Variants in SPHKAP observed in about 807,000 individuals in gnomAD.
The protein encoded by SPHKAP is SPHK1 interactor, AKAP domain containing.
Under a neutral mutation model 137.5 loss-of-function variants are expected in SPHKAP, and 67 were observed. The observed-to-expected ratio is 0.49, with a 90% CI of 0.40 to 0.60. The LOEUF (loss-of-function observed/expected upper bound fraction) is 0.60, where lower values mean the gene tolerates loss of function less well. Ranked by LOEUF, SPHKAP falls within the 20% of genes least tolerant of loss-of-function variation. The pLI is 0.00. For synonymous variants in SPHKAP, 813 were observed against 785.3 expected (o/e 1.04, Z -0.59); for missense variants, 2,097 against 2,069.3 (o/e 1.01, Z -0.26).
chr2:228,150,681 G>T (rs1422911671), intron 1 of SPHKAP, among the ~76,000 whole-genome samples: 3 of 151,200 alleles, frequency 2.0e-5, no homozygotes, highest in Admixed American at 1.3e-4. Context: ...TAAAATTAAG[G>T]ATACCAGGCA....
At chr2:228,029,542 G>A (rs1695201840) in intron 3 of SPHKAP, among the ~76,000 whole-genome samples, 1 of 152,146 alleles carries the variant, frequency 6.6e-6, no homozygotes, top group African/African-American at 2.4e-5. Context: ...GCATTAGGGG[G>A]AAGAAAGGGC....
rs756170282 is a variant in SPHKAP at position 228,017,528 on chromosome 2, G to C, written c.3326C>G (p.Pro1109Arg). The change falls in exon 7 of 12, where the codon CCG (proline) becomes CGG (arginine). Residue 1109 changes from proline (P) to arginine (R), a missense_variant. By Grantham distance (103) the Pro-to-Arg change is moderately radical. Transcript: ENST00000392056. Reference sequence around the variant, plus strand: ...GGAGACAGAGCTGGCCCTGCTGACCGGCTGGCTCAGCGTGCTCATTAAGCC... The same window carrying C: ...GGAGACAGAGCTGGCCCTGCTGACCCGCTGGCTCAGCGTGCTCATTAAGCC... ...SLGLMSTLSQ[P>R]VSRASSVSKQ... is the part of the protein sequence containing the mutation. 1.5e-5 allele frequency: 25 copies of C among 1,613,090 alleles called. No homozygotes were observed. Among genetic ancestry groups the C allele is most frequent in the Non-Finnish European group, 1.9e-5 (23 of 1,179,686 alleles).
At chr2:228,084,339 T>G (rs1697469954) in intron 3 of SPHKAP, among the ~76,000 whole-genome samples, 1 of 152,180 alleles carries the variant, frequency 6.6e-6, no homozygotes, top group African/African-American at 2.4e-5. Flanking sequence ...CAGTAGAACA[T>G]GACTACAAAC....
chr2:227,991,323 T>A lies in SPHKAP; in HGVS notation c.4725A>T (p.Glu1575Asp). Residue 1575 changes from glutamate (E) to aspartate (D), a missense_variant, in exon 10 of 12, where the codon GAA becomes GAT. Glu to Asp is a conservative substitution (Grantham distance 45). Transcript: ENST00000392056. ...TAAGAATCTTCTTTTCTTCTACTAA[T>A]TCACTTTGGGAGAAAACAACAGTAT... is the stretch of plus-strand genomic sequence containing the variant. The part of the protein sequence containing the change: ...ESMPSSPMIN[E>D]LVEEKKILKG... 6.2e-7 allele frequency: 1 copy of A among 1,614,222 alleles called. No individual in the cohort carries two copies. The highest frequency in any genetic ancestry group is 1.1e-5 in the South Asian group (1 of 91,086).
At chr2:227,987,267 T>C (rs1045010508) in intron 11 of SPHKAP, among the ~76,000 whole-genome samples, 1 of 152,236 alleles carries the variant, frequency 6.6e-6, no homozygotes, top group Non-Finnish European at 1.5e-5. Context: ...ACATGGCTCA[T>C]GGTAACAGTT....
intron 3 of SPHKAP, among the ~76,000 whole-genome samples, chr2:228,032,247 G>C (rs1695359952): frequency 6.6e-6 from 1 of 152,180 alleles, no homozygotes; most frequent in African/African-American, 2.4e-5. Flanking sequence ...AGAAGCCTAA[G>C]GAGCTGATGC....
intron 1 of SPHKAP, among the ~76,000 whole-genome samples, chr2:228,152,783 A>G (rs1281359443): frequency 6.6e-6 from 1 of 151,930 alleles, no homozygotes; most frequent in Non-Finnish European, 1.5e-5. Flanking sequence ...ATGTTCTAAA[A>G]CTAATTAACA....
rs1694699421 is a variant in SPHKAP, at chr2:228,018,483, T to G, written c.2371A>C (p.Met791Leu). 2 of 1,614,092 alleles carry G rather than the reference T, an allele frequency of 1.2e-6. No individual in the cohort carries two copies. The highest frequency in any genetic ancestry group is 1.7e-6 in the Non-Finnish European group (2 of 1,180,036). The change falls in exon 7 of 12, where the codon ATG becomes CTG. Residue 791 changes from methionine to leucine, a missense_variant. Met to Leu is a conservative substitution (Grantham distance 15). Transcript: ENST00000392056. ...CCACCCTTGTCTTGTTTTGAATACA[T>G]GCCATCCACAAGATTGTTGATGACA... The part of the protein sequence containing the change: ...SLVINNLVDG[M>L]YSKQDKGGVR...
chr2:228,138,626 AT>A (rs1232456608), intron 1 of SPHKAP, among the ~76,000 whole-genome samples: 4 of 152,196 alleles, frequency 2.6e-5, no homozygotes, highest in African/African-American at 9.6e-5. Context: ...CCTTGAAAAT[AT>A]TTAGAAGCCA....
intron 2 of SPHKAP, among the ~76,000 whole-genome samples, chr2:228,125,633 C>G (rs1699053101): frequency 1.3e-5 from 2 of 152,130 alleles, no homozygotes; most frequent in Admixed American, 1.3e-4. Flanking sequence ...CTGGAGATAA[C>G]AGTTTTTTTA....
chr2:228,030,532 A>C (rs1163159457), intron 3 of SPHKAP, among the ~76,000 whole-genome samples: 9 of 67,370 alleles, frequency 1.3e-4, no homozygotes, highest in African/African-American at 3.0e-4. Context: ...AAAAAAAAAA[A>C]CAACAAAAAA....
At chr2:228,147,936 T>A (rs1262772058) in intron 1 of SPHKAP, among the ~76,000 whole-genome samples, 1 of 152,160 alleles carries the variant, frequency 6.6e-6, no homozygotes, top group African/African-American at 2.4e-5. Flanking sequence ...CTTAATCAAG[T>A]GCAATTTGAT....
chr2:227,995,376 T>G lies in SPHKAP; in HGVS notation c.4634+133A>C, dbSNP rs1693597298. 7 of 1,028,354 alleles carry G rather than the reference T, an allele frequency of 6.8e-6. No homozygotes were observed. In the Admixed American group the frequency reaches 1.4e-4, roughly 20 times the overall value. 63.7% of individuals were successfully genotyped at this position (1,028,354 alleles called of 1,614,324 possible). Reference sequence around the variant, plus strand: ...ATCATGACAGGCAGGCCCCTCGACATAGTGGGAACTTTCCTTTTTTTGTTC... The same window carrying G: ...ATCATGACAGGCAGGCCCCTCGACAGAGTGGGAACTTTCCTTTTTTTGTTC... On this transcript the variant is annotated intron_variant, in intron 8 of 11. Transcript: ENST00000392056.
intron 3 of SPHKAP, among the ~76,000 whole-genome samples, chr2:228,045,728 C>A (rs1297871459): frequency 6.6e-6 from 1 of 151,480 alleles, no homozygotes; most frequent in Non-Finnish European, 1.5e-5. Flanking sequence ...TGCACACGTA[C>A]CCTAAAACTT....
At chr2:228,133,689 C>G (rs1053180689) in intron 1 of SPHKAP, among the ~76,000 whole-genome samples, 24 of 152,128 alleles carry the variant, frequency 1.6e-4, no homozygotes, top group Non-Finnish European at 3.2e-4. Context: ...AATAAAAGAT[C>G]AGTTAAATAA....
chr2:228,077,729 T>G (rs1016552322), intron 3 of SPHKAP, among the ~76,000 whole-genome samples: 2 of 152,210 alleles, frequency 1.3e-5, no homozygotes, highest in Admixed American at 6.5e-5. Context: ...GAGTTAGTGC[T>G]GAAATGAGTT....
In SPHKAP at chr2:228,141,373, G is replaced by A. The variant is rs148450018; in HGVS notation, c.33-9288C>T. ...CTGTAAAGGAGTCACGTAGCACCTAGCACAGGTAATTACTCAATATGAAAC... is the reference window on the plus strand; with the variant it reads ...CTGTAAAGGAGTCACGTAGCACCTAACACAGGTAATTACTCAATATGAAAC... On this transcript the variant is annotated intron_variant, in intron 1 of 11. Coordinates refer to ENST00000392056, the MANE Select transcript of SPHKAP (RefSeq NM_001142644.2). Among the ~76,000 whole-genome samples the A allele has an allele frequency of 1.7e-3, 254 of 152,284 alleles. 1 individual carries two copies. The highest frequency in any genetic ancestry group is 5.7e-3 in the African/African-American group (238 of 41,562).
Position 228,136,205 on chromosome 2 carries a change from C to A in SPHKAP, c.33-4120G>T, listed in dbSNP as rs564785385. On this transcript the variant is annotated intron_variant, in intron 1 of 11. Transcript: ENST00000392056. ...TTATAACTTGCTCCTAATGGGTAAG[C>A]CGGCAAATTCTTCCCTGGGAGATTT... Among the ~76,000 whole-genome samples, 7 of 152,266 alleles carry A rather than the reference C, an allele frequency of 4.6e-5. No individual in the cohort carries two copies. In the South Asian group the frequency reaches 1.0e-3, roughly 23 times the overall value.
chr2:228,027,411 A>G (rs765399219), intron 4 of SPHKAP, 73 bp downstream of exon 4: 54 of 1,465,296 alleles, frequency 3.7e-5, no homozygotes, highest in Middle Eastern at 1.7e-4. Context: ...CAAAATGAGC[A>G]TTATTTACAG....
Sources: gnomAD v4.1 joint callset for allele counts (sites outside exome capture counted in the v4.1 genomes callset) on GRCh38, gnomAD v4.1.1 for gene constraint, MANE v1.5 for transcripts, NCBI Gene and HGNC (gene_info 2026-07-23, HGNC 2026-07-21) for gene names.